The following RALYL variants were observed in gnomAD, a reference collection of about 807,000 sequenced individuals.
The protein encoded by RALYL is RALY RNA binding protein like, also known as RNA-binding Raly-like protein.
A neutral mutation model predicts 35.1 loss-of-function variants in RALYL; 29 were observed. That is an observed-to-expected ratio of 0.83 (90% CI 0.61 to 1.13). The LOEUF (loss-of-function observed/expected upper bound fraction) is 1.13, where lower values mean the gene tolerates loss of function less well. Ranked by LOEUF, RALYL falls within the 50% of genes most tolerant of loss-of-function variation. RALYL has a pLI of 0.00. For missense variants in RALYL, 359 were observed against 360.4 expected (o/e 1.00, Z 0.03); for synonymous variants, 120 against 127.6 (o/e 0.94, Z 0.40).
intron 6 of RALYL, 130 bp downstream of exon 6, chr8:84,862,583 T>C (rs927730444): frequency 1.4e-6 from 1 of 701,446 alleles, no homozygotes; most frequent in African/African-American, 1.9e-5. Flanking sequence ...TGTTAGAAAA[T>C]CATAAGATGG....
At chr8:84,626,994 GA>G (rs1822874992) in intron 2 of RALYL, among the ~76,000 whole-genome samples, 1 of 152,010 alleles carries the variant, frequency 6.6e-6, no homozygotes, top group South Asian at 2.1e-4. Flanking sequence ...TCTAGACAAA[GA>G]AAAAATTAGT....
chr8:84,356,222 A>G (rs1226042638), intron 1 of RALYL, among the ~76,000 whole-genome samples: 1 of 150,470 alleles, frequency 6.6e-6, no homozygotes. Flanking sequence ...GGTTCTTTAT[A>G]GCAATGTGAG....
Position 84,420,574 on chromosome 8 carries a change from T to G in RALYL, c.-23-108725T>G, listed in dbSNP as rs368312362. 4.7e-3 allele frequency among the ~76,000 whole-genome samples: 667 copies of G among 140,816 alleles called. 3 individuals carry two copies. The highest frequency in any genetic ancestry group is 0.033 in the South Asian group (140 of 4,194). 92.4% of individuals were successfully genotyped at this position (140,816 alleles called of 152,430 possible). A position where few individuals can be genotyped will look rare whatever the true frequency, so the allele number is the denominator to read the frequency against. ...AATTAGATCCCATTTGTCAATTTTGTCTTTTGTTGCCATTGCTTTTGGTGT... is the reference window on the plus strand; with the variant it reads ...AATTAGATCCCATTTGTCAATTTTGGCTTTTGTTGCCATTGCTTTTGGTGT... On this transcript the variant is annotated intron_variant, in intron 1 of 8. Coordinates refer to ENST00000521268, the MANE Select transcript of RALYL (RefSeq NM_173848.7).
intron 1 of RALYL, among the ~76,000 whole-genome samples, chr8:84,497,758 CA>C (rs1220837981): frequency 2.0e-5 from 3 of 150,262 alleles, no homozygotes; most frequent in African/African-American, 7.3e-5. Flanking sequence ...TCTACTGCCT[CA>C]GCCTCCCGAG....
intron 2 of RALYL, among the ~76,000 whole-genome samples, chr8:84,608,451 G>C (rs1295397855): frequency 6.6e-6 from 1 of 152,066 alleles, no homozygotes; most frequent in African/African-American, 2.4e-5. Context: ...TTGCTGTTTT[G>C]TCAGCTTTTT....
chr8:84,862,303 G>T lies in RALYL; in HGVS notation c.421G>T (p.Asp141Tyr). 1 of 1,554,724 alleles carries T rather than the reference G, an allele frequency of 6.4e-7. No individual in the cohort carries two copies. The highest frequency in any genetic ancestry group is 1.2e-5 in the South Asian group (1 of 82,616). Residue 141 changes from aspartate to tyrosine, a missense_variant, in exon 6 of 9, where the codon GAT becomes TAT. Coordinates refer to ENST00000521268, the MANE Select transcript of RALYL (RefSeq NM_173848.7). Reference sequence around the variant, plus strand: ...CATTTGTGTTTTGTAAAGGTTATTTGATTACCACGGGCGTGTGCCTCCACC... The same window carrying T: ...CATTTGTGTTTTGTAAAGGTTATTTTATTACCACGGGCGTGTGCCTCCACC... ...YRDDFYNRLFDYHGRVPPPPR... is the reference protein window; with the variant it reads ...YRDDFYNRLFYYHGRVPPPPR...
intron 2 of RALYL, among the ~76,000 whole-genome samples, chr8:84,539,549 G>T (rs946643477): frequency 6.6e-6 from 1 of 151,788 alleles, no homozygotes; most frequent in Non-Finnish European, 1.5e-5. Flanking sequence ...AGTCATGATG[G>T]TTTCTGCTTT....
intron 1 of RALYL, among the ~76,000 whole-genome samples, chr8:84,286,160 C>T (rs1455624540): frequency 3.3e-5 from 5 of 151,892 alleles, no homozygotes; most frequent in Admixed American, 2.0e-4. Flanking sequence ...TTTTTTGAGA[C>T]CTCGTGATCT....
At chr8:84,671,720 A>G (rs1450875571) in intron 2 of RALYL, among the ~76,000 whole-genome samples, 1 of 152,214 alleles carries the variant, frequency 6.6e-6, no homozygotes, top group Non-Finnish European at 1.5e-5. Context: ...TACCAAGGCT[A>G]CACACAGCAG....
chr8:84,334,906 C>T (rs564678178), intron 1 of RALYL, among the ~76,000 whole-genome samples: 25 of 152,248 alleles, frequency 1.6e-4, no homozygotes, highest in South Asian at 4.1e-4. Context: ...GTCCTCTTAT[C>T]CATCTCAAGC....
intron 2 of RALYL, among the ~76,000 whole-genome samples, chr8:84,704,991 C>T (rs765861414): frequency 6.6e-6 from 1 of 152,116 alleles, no homozygotes. Context: ...ACAAGGAAGT[C>T]TTATGACATA....
At chr8:84,540,508 C>A (rs1353274740) in intron 2 of RALYL, among the ~76,000 whole-genome samples, 2 of 151,732 alleles carry the variant, frequency 1.3e-5, no homozygotes, top group African/African-American at 4.8e-5. Flanking sequence ...AACAATTGAT[C>A]TTTGATTGTG....
intron 2 of RALYL, among the ~76,000 whole-genome samples, chr8:84,717,524 G>A (rs1331731093): frequency 1.3e-5 from 2 of 152,088 alleles, no homozygotes; most frequent in African/African-American, 4.8e-5. Flanking sequence ...CATTGGGCCT[G>A]GAATTCTCAG....
At chr8:84,412,476 T>C (rs2044204559) in intron 1 of RALYL, among the ~76,000 whole-genome samples, 1 of 151,908 alleles carries the variant, frequency 6.6e-6, no homozygotes, top group South Asian at 2.1e-4. Context: ...AGGACATTTT[T>C]TGGTCTGAAG....
intron 1 of RALYL, among the ~76,000 whole-genome samples, chr8:84,432,382 G>A (rs2047238702): frequency 6.6e-6 from 1 of 152,040 alleles, no homozygotes; most frequent in Non-Finnish European, 1.5e-5. Flanking sequence ...TGAGGGGAGG[G>A]GAGAAATAGG....
At chr8:84,361,242 C>T (rs1197112944) in intron 1 of RALYL, among the ~76,000 whole-genome samples, 2 of 152,146 alleles carry the variant, frequency 1.3e-5, no homozygotes, top group Non-Finnish European at 2.9e-5. Flanking sequence ...GCTCTAGTTG[C>T]CATTTTGAGA....
intron 2 of RALYL, among the ~76,000 whole-genome samples, chr8:84,709,429 C>T (rs79161643): frequency 0.048 from 7,319 of 151,694 alleles, 374 homozygotes; most frequent in African/African-American, 0.12. Flanking sequence ...TGGACATACA[C>T]GTGTATATAT....
chr8:84,252,029 A>C (rs766455619), intron 1 of RALYL, among the ~76,000 whole-genome samples: 80 of 152,122 alleles, frequency 5.3e-4, no homozygotes, highest in Non-Finnish European at 9.6e-4. Flanking sequence ...AAATGGGGGA[A>C]TCTGTACTCT....
At chr8:84,485,732 C>A (rs1359397032) in intron 1 of RALYL, among the ~76,000 whole-genome samples, 1 of 152,128 alleles carries the variant, frequency 6.6e-6, no homozygotes, top group Non-Finnish European at 1.5e-5. Flanking sequence ...ATCCAAGATT[C>A]AAAATCTTTG....
Sources: gnomAD v4.1 joint callset for allele counts (sites outside exome capture counted in the v4.1 genomes callset) on GRCh38, gnomAD v4.1.1 for gene constraint, MANE v1.5 for transcripts, NCBI Gene and HGNC (gene_info 2026-07-23, HGNC 2026-07-21) for gene names.